The following PRKCE variants were observed in gnomAD, a reference collection of about 807,000 sequenced individuals.
The protein encoded by PRKCE is protein kinase C epsilon, also known as protein kinase C epsilon type.
Under a neutral mutation model 85.4 loss-of-function variants are expected in PRKCE, and 16 were observed. That is an observed-to-expected ratio of 0.19 (90% CI 0.13 to 0.28). The LOEUF (loss-of-function observed/expected upper bound fraction) is 0.28. Ranked by LOEUF, PRKCE falls within the 10% of genes least tolerant of loss-of-function variation. The pLI, the probability that PRKCE is intolerant of heterozygous loss-of-function variation, is 1.00. For missense variants in PRKCE, 573 were observed against 975.2 expected (o/e 0.59, Z 5.49); for synonymous variants, 388 against 371.5 (o/e 1.04, Z -0.51).
intron 2 of PRKCE, among the ~76,000 whole-genome samples, chr2:45,923,991 T>C (rs1698435108): frequency 6.6e-6 from 1 of 152,142 alleles, no homozygotes; most frequent in African/African-American, 2.4e-5. Context: ...TTAATCGACA[T>C]TTAACATGAG....
intron 2 of PRKCE, among the ~76,000 whole-genome samples, chr2:45,885,360 A>C (rs1695216326): frequency 1.3e-5 from 2 of 152,196 alleles, no homozygotes. Flanking sequence ...CCTAGGGAAC[A>C]GAGCAAAGCT....
chr2:46,094,486 G>A (rs1367799604), intron 11 of PRKCE, among the ~76,000 whole-genome samples: 3 of 152,264 alleles, frequency 2.0e-5, no homozygotes, highest in East Asian at 1.9e-4. Flanking sequence ...AGGGACATAG[G>A]TGGAGCTGGA....
chr2:46,080,547 T>A (rs1285953317), intron 10 of PRKCE, among the ~76,000 whole-genome samples: 1 of 152,190 alleles, frequency 6.6e-6, no homozygotes, highest in Non-Finnish European at 1.5e-5. Flanking sequence ...CTCAGGCATT[T>A]GACGCAGACA....
At chr2:46,122,305 C>T (rs780033393) in intron 11 of PRKCE, among the ~76,000 whole-genome samples, 7 of 152,124 alleles carry the variant, frequency 4.6e-5, no homozygotes, top group Non-Finnish European at 7.3e-5. Flanking sequence ...GATCTTGGCT[C>T]ACTGCAACCT....
intron 5 of PRKCE, among the ~76,000 whole-genome samples, 161 bp downstream of exon 5, chr2:45,980,542 A>T (rs1702806448): frequency 6.6e-6 from 1 of 152,220 alleles, no homozygotes; most frequent in South Asian, 2.1e-4. Context: ...TTCTGGCATG[A>T]GACACCATCC....
intron 3 of PRKCE, among the ~76,000 whole-genome samples, chr2:45,976,937 C>T (rs1175327674): frequency 1.3e-5 from 2 of 150,948 alleles, no homozygotes; most frequent in African/African-American, 4.9e-5. Flanking sequence ...AGCTCTGTTG[C>T]CCAGGCTGGA....
At chr2:45,708,277 C>G (rs1679292544) in intron 1 of PRKCE, among the ~76,000 whole-genome samples, 1 of 152,196 alleles carries the variant, frequency 6.6e-6, no homozygotes, top group African/African-American at 2.4e-5. Context: ...ATGTGTCCAC[C>G]AAAGCCTACA....
chr2:45,696,419 G>A (rs1678155949), intron 1 of PRKCE, among the ~76,000 whole-genome samples: 1 of 151,850 alleles, frequency 6.6e-6, no homozygotes, highest in African/African-American at 2.4e-5. Context: ...CAGGTCCCTG[G>A]GGCATTTGGC....
At chr2:45,911,943 TGTG>T (rs1697409923) in intron 2 of PRKCE, among the ~76,000 whole-genome samples, 1 of 152,068 alleles carries the variant, frequency 6.6e-6, no homozygotes, top group Admixed American at 6.5e-5. Context: ...TGCTGCTTGT[TGTG>T]GTGGTGGTAT....
At chr2:45,949,106 C>CTAAGATATATACATGTA (rs1323006385) in intron 2 of PRKCE, among the ~76,000 whole-genome samples, 3 of 152,170 alleles carry the variant, frequency 2.0e-5, no homozygotes, top group African/African-American at 7.2e-5. Flanking sequence ...GCAAATCTCT[C>CTAAGATATATACATGTA]TAAGATATAT....
chr2:45,966,260 T>C (rs1701721396), intron 2 of PRKCE, among the ~76,000 whole-genome samples: 1 of 152,230 alleles, frequency 6.6e-6, no homozygotes, highest in Non-Finnish European at 1.5e-5. Flanking sequence ...TTCATAGATG[T>C]GTAACATGAC....
intron 1 of PRKCE, among the ~76,000 whole-genome samples, chr2:45,717,752 A>G (rs1259204951): frequency 6.6e-6 from 1 of 152,212 alleles, no homozygotes; most frequent in Admixed American, 6.5e-5. Context: ...TGGTCTGGCT[A>G]CTTCCACAAA....
intron 1 of PRKCE, among the ~76,000 whole-genome samples, chr2:45,741,787 G>T (rs1257688777): frequency 6.6e-6 from 1 of 152,194 alleles, no homozygotes; most frequent in African/African-American, 2.4e-5. Context: ...ATGACCACTG[G>T]GTGACCAGAG....
intron 2 of PRKCE, among the ~76,000 whole-genome samples, chr2:45,924,517 G>T (rs1698474954): frequency 6.6e-6 from 1 of 152,212 alleles, no homozygotes; most frequent in Non-Finnish European, 1.5e-5. Context: ...TCCCATGCCA[G>T]ACTGAATCCA....
At chr2:46,037,056 G>C (rs1707909101) in intron 10 of PRKCE, among the ~76,000 whole-genome samples, 1 of 152,164 alleles carries the variant, frequency 6.6e-6, no homozygotes, top group Non-Finnish European at 1.5e-5. Context: ...CTGGCGTCCA[G>C]GACACTTGGG....
At chr2:45,920,348 ACT>A (rs1287262412) in intron 2 of PRKCE, among the ~76,000 whole-genome samples, 5 of 151,974 alleles carry the variant, frequency 3.3e-5, no homozygotes, top group African/African-American at 1.2e-4. Flanking sequence ...GCTTTGGAAG[ACT>A]CTCTGACAGT....
intron 10 of PRKCE, among the ~76,000 whole-genome samples, chr2:46,069,312 T>A (rs1393941385): frequency 6.6e-6 from 1 of 152,178 alleles, no homozygotes; most frequent in Non-Finnish European, 1.5e-5. Context: ...TACATGACTG[T>A]TCTCTGAAGT....
At chr2:46,077,781 GA>G (rs370516823) in intron 10 of PRKCE, among the ~76,000 whole-genome samples, 2,029 of 151,314 alleles carry the variant, frequency 0.013, 41 homozygotes, top group African/African-American at 0.046. Context: ...TCCCCAGTAA[GA>G]AAAAAAAATC....
At position 46,184,658 on chromosome 2, in the gene PRKCE, G is replaced by A. The variant is rs1680322750; in HGVS notation, c.2068-77G>A. 2.1e-5 allele frequency: 33 copies of A among 1,550,098 alleles called. No homozygotes were observed. The highest frequency in any genetic ancestry group is 2.8e-5 in the Non-Finnish European group (32 of 1,150,096). On this transcript the variant is annotated intron_variant, in intron 14 of 14. Coordinates refer to ENST00000306156, the MANE Select transcript of PRKCE (RefSeq NM_005400.3). The surrounding 1 kb of genome is among the most constrained non-coding windows in gnomAD (Gnocchi z 5.0). ...CTGCTTTGGTGACAGGCTGGTCAGT[G>A]CGGTGCCCACTCCCCATGGGGGGCC... is the stretch of plus-strand genomic sequence containing the variant.
Sources: gnomAD v4.1 joint callset for allele counts (sites outside exome capture counted in the v4.1 genomes callset) on GRCh38, gnomAD v4.1.1 for gene constraint, Gnocchi (gnomAD v3.1) non-coding constraint, MANE v1.5 for transcripts, NCBI Gene and HGNC (gene_info 2026-07-23, HGNC 2026-07-21) for gene names.